Variants in PPM1E observed in about 807,000 individuals in gnomAD.
PPM1E encodes the protein protein phosphatase, Mg2+/Mn2+ dependent 1E.
Under a neutral mutation model 65.9 loss-of-function variants are expected in PPM1E, and 20 were observed. The observed-to-expected ratio is 0.30, with a 90% CI of 0.21 to 0.44. The LOEUF (loss-of-function observed/expected upper bound fraction) is 0.44, where lower values mean the gene tolerates loss of function less well. Among genes scored for constraint, PPM1E ranks in the 20% least tolerant of loss-of-function variants. The probability of loss-of-function intolerance (pLI) is 1.00; values close to 1 mark genes in which losing one functional copy is unlikely to be tolerated. For missense variants in PPM1E, 713 were observed against 953.1 expected, an observed-to-expected ratio of 0.75 and a Z score of 3.32; for synonymous variants, 352 against 374.9, an observed-to-expected ratio of 0.94 and a Z score of 0.70.
At chr17:58,971,920 T>C (rs1282122226) in intron 4 of PPM1E, among the ~76,000 whole-genome samples, 1 of 152,218 alleles carries the variant, frequency 6.6e-6, no homozygotes, top group East Asian at 1.9e-4. Flanking sequence ...GCCCTGCATA[T>C]CACAGATCAG....
chr17:58,781,607 A>G (rs546550084), intron 1 of PPM1E, among the ~76,000 whole-genome samples: 23 of 151,804 alleles, frequency 1.5e-4, no homozygotes, highest in African/African-American at 5.1e-4. Context: ...ATTATTAACA[A>G]TGATTTTTTT....
intron 1 of PPM1E, among the ~76,000 whole-genome samples, chr17:58,756,890 T>A (rs1187501128): frequency 6.6e-6 from 1 of 152,202 alleles, no homozygotes; most frequent in Admixed American, 6.5e-5. Context: ...CCCACCCCAG[T>A]CTGTCTTTTC....
At chr17:58,816,774 ATATATATATATATATATATATT>A (rs1182897254) in intron 1 of PPM1E, among the ~76,000 whole-genome samples, 229 of 13,828 alleles carry the variant, frequency 0.017, 8 homozygotes, top group African/African-American at 0.036. Context: ...ATATATATAT[ATATATATATATATATATATATT>A]TTTTTTTTTT....
chr17:58,873,951 T>C (rs1223624523), intron 1 of PPM1E, among the ~76,000 whole-genome samples: 1 of 151,974 alleles, frequency 6.6e-6, no homozygotes, highest in Admixed American at 6.6e-5. Context: ...ATAAGCAAAG[T>C]CCACCCAAAT....
At chr17:58,765,159 A>G (rs1238950557) in intron 1 of PPM1E, among the ~76,000 whole-genome samples, 5 of 149,750 alleles carry the variant, frequency 3.3e-5, no homozygotes, top group African/African-American at 1.2e-4. Context: ...AAACTTTGTA[A>G]TGAACATTTT....
At chr17:58,942,290 G>A (rs1376835399) in intron 1 of PPM1E, among the ~76,000 whole-genome samples, 5 of 152,168 alleles carry the variant, frequency 3.3e-5, no homozygotes, top group Non-Finnish European at 5.9e-5. Flanking sequence ...GGAGGCTGAG[G>A]TGGGAGGATT....
intron 1 of PPM1E, among the ~76,000 whole-genome samples, chr17:58,794,934 A>C (rs768135476): frequency 3.4e-4 from 49 of 144,986 alleles, no homozygotes; most frequent in Non-Finnish European, 5.5e-4. Context: ...TGTCACCCAG[A>C]CTAGAGTGCA....
intron 1 of PPM1E, among the ~76,000 whole-genome samples, chr17:58,888,876 A>T (rs2051313007): frequency 6.6e-6 from 1 of 152,186 alleles, no homozygotes; most frequent in South Asian, 2.1e-4. Flanking sequence ...TCAGCAAGAG[A>T]TAGAAAAAGT....
chr17:58,849,906 G>A (rs2050808400), intron 1 of PPM1E, among the ~76,000 whole-genome samples: 2 of 152,122 alleles, frequency 1.3e-5, no homozygotes, highest in Admixed American at 1.3e-4. Flanking sequence ...ATTATTGTGT[G>A]GGAGTCTAAG....
chr17:58,867,820 T>C (rs1235239280), intron 1 of PPM1E, among the ~76,000 whole-genome samples: 4 of 152,172 alleles, frequency 2.6e-5, no homozygotes, highest in African/African-American at 9.6e-5. Context: ...ATTTAAAACA[T>C]TTCTCCTTAT....
chr17:58,826,259 T>C (rs562648709), intron 1 of PPM1E, among the ~76,000 whole-genome samples: 79 of 147,676 alleles, frequency 5.3e-4, no homozygotes, highest in Non-Finnish European at 7.4e-4. Flanking sequence ...ATGGCTCCAC[T>C]GCACTCCAGC....
chr17:58,851,671 T>A (rs1234051350), intron 1 of PPM1E, among the ~76,000 whole-genome samples: 2 of 152,224 alleles, frequency 1.3e-5, no homozygotes, highest in Admixed American at 6.5e-5. Context: ...CCTGGCTGTA[T>A]GAGATGTCAG....
chr17:58,806,076 C>T (rs527551064), intron 1 of PPM1E, among the ~76,000 whole-genome samples: 82 of 150,498 alleles, frequency 5.4e-4, no homozygotes, highest in African/African-American at 1.9e-3. Context: ...TGTCCTGTCT[C>T]GTGGCACTTA....
At chr17:58,875,435 C>T (rs1296418713) in intron 1 of PPM1E, among the ~76,000 whole-genome samples, 1 of 151,888 alleles carries the variant, frequency 6.6e-6, no homozygotes, top group East Asian at 1.9e-4. Context: ...TTTGCCTGGC[C>T]CTTACAGAAG....
At chr17:58,824,489 A>G (rs998363450) in intron 1 of PPM1E, among the ~76,000 whole-genome samples, 3 of 152,166 alleles carry the variant, frequency 2.0e-5, no homozygotes, top group South Asian at 2.1e-4. Context: ...AATGGAATCA[A>G]TCACTTTGAA....
chr17:58,839,562 G>T (rs752778654), intron 1 of PPM1E, among the ~76,000 whole-genome samples: 1 of 152,120 alleles, frequency 6.6e-6, no homozygotes, highest in Admixed American at 6.6e-5. Context: ...TTCTGCATGG[G>T]TTTATAGGTT....
chr17:58,763,131 CA>C (rs1384058484), intron 1 of PPM1E, among the ~76,000 whole-genome samples: 1 of 151,966 alleles, frequency 6.6e-6, no homozygotes, highest in Non-Finnish European at 1.5e-5. Flanking sequence ...GATACATCCC[CA>C]AATCTCAAAG....
intron 1 of PPM1E, among the ~76,000 whole-genome samples, chr17:58,816,771 TATATATATATATATA>T (rs2050423938): frequency 5.8e-5 from 1 of 17,226 alleles, no homozygotes; most frequent in African/African-American, 1.8e-4. Context: ...TATATATATA[TATATATATATATATA>T]TATATATATT....
chr17:58,933,928 C>T (rs1456843266), intron 1 of PPM1E, among the ~76,000 whole-genome samples: 1 of 151,960 alleles, frequency 6.6e-6, no homozygotes, highest in Non-Finnish European at 1.5e-5. Flanking sequence ...AACTCCATCT[C>T]TAGTAAATAT....
Sources: allele counts gnomAD v4.1 joint callset (sites outside exome capture counted in the v4.1 genomes callset), GRCh38; gene constraint gnomAD v4.1.1; transcripts MANE v1.5; gene names NCBI Gene and HGNC (gene_info 2026-07-23, HGNC 2026-07-21).